DLG5: variants seen among roughly 807,000 people sequenced by gnomAD.
DLG5 encodes the protein discs large MAGUK scaffold protein 5, also known as disks large homolog 5.
In DLG5, 48 loss-of-function variants were observed where a neutral mutation model predicts 189.8. The ratio of observed to expected loss-of-function variants is 0.25; its 90% confidence interval spans 0.20 to 0.32. DLG5 has a LOEUF of 0.32. Ranked by LOEUF, DLG5 falls within the 10% of genes least tolerant of loss-of-function variation. DLG5 has a pLI of 1.00. For missense variants in DLG5, 2,160 were observed against 2,544.7 expected (o/e 0.85, Z 3.25); for synonymous variants, 1,016 against 1,054.1 (o/e 0.96, Z 0.70).
At chr10:77,858,377 GTAA>G (rs1401604329) in intron 2 of DLG5, among the ~76,000 whole-genome samples, 2 of 152,174 alleles carry the variant, frequency 1.3e-5, no homozygotes, top group East Asian at 3.8e-4. Flanking sequence ...GCTCATGCCT[GTAA>G]TCCAAGCACT....
chr10:77,898,698 T>G (rs1845836662), intron 1 of DLG5, among the ~76,000 whole-genome samples: 1 of 152,176 alleles, frequency 6.6e-6, no homozygotes, highest in African/African-American at 2.4e-5. Flanking sequence ...CCCTGAGTGC[T>G]CCTGAGGAAG....
intron 27 of DLG5, among the ~76,000 whole-genome samples, chr10:77,800,520 G>A (rs947756004): frequency 6.6e-6 from 1 of 151,624 alleles, no homozygotes; most frequent in Admixed American, 6.6e-5. Flanking sequence ...TGAGAACCCA[G>A]GCACGGGGCC....
At chr10:77,923,218 C>A (rs1460505050) in intron 1 of DLG5, among the ~76,000 whole-genome samples, 1 of 152,224 alleles carries the variant, frequency 6.6e-6, no homozygotes, top group African/African-American at 2.4e-5. Flanking sequence ...TGGCCTCGAA[C>A]TGAGGCCAAT....
At position 77,856,780 on chromosome 10, in the gene DLG5, C is replaced by T. The variant is rs1333184730; in HGVS notation, c.486G>A (p.Glu162=). The T allele has an allele frequency of 1.2e-6, 2 of 1,613,584 alleles. No homozygotes were observed. Among genetic ancestry groups the T allele is most frequent in the Non-Finnish European group, 1.7e-6 (2 of 1,180,018 alleles). The change falls in exon 3 of 32, where the codon GAG becomes GAA. Residue 162 remains glutamate, a synonymous_variant. Coordinates refer to ENST00000372391, the MANE Select transcript of DLG5 (RefSeq NM_004747.4). The part of the protein sequence containing the change: ...QLRLMTRERN[E]LRKRLAFATH... ...TAGCAAAGGCCAGGCGCTTGCGGAGCTCGTTTCTCTCCCGGGTCATCAGCC... is the reference window on the plus strand; with the variant it reads ...TAGCAAAGGCCAGGCGCTTGCGGAGTTCGTTTCTCTCCCGGGTCATCAGCC...
intron 1 of DLG5, among the ~76,000 whole-genome samples, chr10:77,870,224 A>C (rs1844843474): frequency 6.6e-6 from 1 of 152,254 alleles, no homozygotes; most frequent in South Asian, 2.1e-4. Context: ...TGGAGCCAAA[A>C]GAACTATACA....
At chr10:77,816,311 G>A in intron 20 of DLG5, 2 of 705,030 alleles carry the variant, frequency 2.8e-6, no homozygotes, top group Non-Finnish European at 5.1e-6. Flanking sequence ...ATCACCGTCA[G>A]GTCATTTCCA....
chr10:77,811,193 C>A lies in DLG5; in HGVS notation c.4364G>T (p.Gly1455Val). The A allele has an allele frequency of 6.2e-7, 1 of 1,613,328 alleles. No individual in the cohort carries two copies. The highest frequency in any genetic ancestry group is 1.1e-5 in the South Asian group (1 of 91,022). The change falls in exon 23 of 32, where the codon GGC becomes GTC. Residue 1455 changes from glycine (G) to valine (V), a missense_variant. By Grantham distance (109) the Gly-to-Val change is moderately radical (BLOSUM62 -3). Transcript: ENST00000372391. ...DPAGTHSTLQ[G>V]SGTTTPEHPS... ...ATGCTCCGGGGTGGTGGTGCCACTGCCCTGGAGAGTGGAGTGGGTACCGGC... is the reference window on the plus strand; with the variant it reads ...ATGCTCCGGGGTGGTGGTGCCACTGACCTGGAGAGTGGAGTGGGTACCGGC...
rs749597156 is a variant in DLG5 at position 77,828,913 on chromosome 10, C to G, written c.2258G>C (p.Gly753Ala). 6.2e-7 allele frequency: 1 copy of G among 1,614,174 alleles called. No individual in the cohort carries two copies. The highest frequency in any genetic ancestry group is 2.2e-5 in the East Asian group (1 of 44,886). Residue 753 changes from glycine (G) to alanine (A), a missense_variant, in exon 13 of 32, where the codon GGG (glycine) becomes GCG (alanine). By Grantham distance (60) the Gly-to-Ala change is moderately conservative. Around this residue, in one of 5 missense-constraint regions of DLG5, gnomAD observed 107 missense variants for 214.5 expected, o/e 0.50. Coordinates refer to ENST00000372391, the MANE Select transcript of DLG5 (RefSeq NM_004747.4). ...VLPGSPAAKE[G>A]SLAVGDRIVA... ...GATCCTGTCTCCCACAGCAAGGGACCCTTCTTTAGCGGCAGGGCTTCCAGG... is the reference window on the plus strand; with the variant it reads ...GATCCTGTCTCCCACAGCAAGGGACGCTTCTTTAGCGGCAGGGCTTCCAGG...
intron 26 of DLG5, 59 bp from the exon 27 acceptor site, chr10:77,805,920 C>T: frequency 4.6e-6 from 7 of 1,513,562 alleles, no homozygotes; most frequent in African/African-American, 1.4e-5. Context: ...CCTGCCCTTC[C>T]TGCCCTTCCT....
intron 24 of DLG5, among the ~76,000 whole-genome samples, chr10:77,808,255 T>C (rs577774245): frequency 2.0e-5 from 3 of 152,142 alleles, no homozygotes; most frequent in Non-Finnish European, 4.4e-5. Flanking sequence ...CTCTTGCTGA[T>C]GTTGCCTGTG....
intron 1 of DLG5, among the ~76,000 whole-genome samples, chr10:77,893,083 C>A (rs1845658003): frequency 6.6e-6 from 1 of 152,360 alleles, no homozygotes; most frequent in South Asian, 2.1e-4. Flanking sequence ...CATTTGACCA[C>A]CAGAGCAGCC....
intron 26 of DLG5, chr10:77,806,065 G>T: frequency 1.9e-6 from 1 of 522,840 alleles, no homozygotes; most frequent in South Asian, 3.4e-5. Context: ...CCAGCACCAG[G>T]GCAAGCTCTC....
intron 25 of DLG5, among the ~76,000 whole-genome samples, chr10:77,807,195 A>G (rs993261002): frequency 6.6e-6 from 1 of 152,038 alleles, no homozygotes; most frequent in Non-Finnish European, 1.5e-5. Flanking sequence ...TTCCCTTTCC[A>G]GGTGGCCTTT....
chr10:77,806,744 C>G lies in DLG5; in HGVS notation c.4967+14G>C. The G allele has an allele frequency of 6.3e-7, 1 of 1,595,592 alleles. No individual in the cohort carries two copies. The highest frequency in any genetic ancestry group is 1.3e-5 in the African/African-American group (1 of 74,798). ...CCCCTGCCCCACCCCACCCCAGGCCCGGAGAACACTTACACATATTTGCTG... is the reference window on the plus strand; with the variant it reads ...CCCCTGCCCCACCCCACCCCAGGCCGGGAGAACACTTACACATATTTGCTG... On this transcript the variant is annotated intron_variant, in intron 26 of 31. Coordinates refer to ENST00000372391, the MANE Select transcript of DLG5 (RefSeq NM_004747.4).
intron 17 of DLG5, 39 bp downstream of exon 17, chr10:77,819,282 C>G: frequency 6.2e-7 from 1 of 1,613,056 alleles, no homozygotes; most frequent in Non-Finnish European, 8.5e-7. Context: ...CAGGCTTGGG[C>G]AGCTGGAGTA....
At chr10:77,914,525 G>A (rs1846308819) in intron 1 of DLG5, among the ~76,000 whole-genome samples, 1 of 152,120 alleles carries the variant, frequency 6.6e-6, no homozygotes, top group African/African-American at 2.4e-5. Context: ...TAGGAGTAAA[G>A]AGCTAAGATT....
At chr10:77,858,520 C>G (rs996426408) in intron 2 of DLG5, among the ~76,000 whole-genome samples, 1 of 151,984 alleles carries the variant, frequency 6.6e-6, no homozygotes, top group Non-Finnish European at 1.5e-5. Flanking sequence ...TGCCTAGAGT[C>G]ACAGCTACTT....
intron 1 of DLG5, among the ~76,000 whole-genome samples, chr10:77,872,750 T>A (rs796142790): frequency 5.3e-5 from 8 of 152,032 alleles, no homozygotes; most frequent in African/African-American, 1.9e-4. Flanking sequence ...GCCGGTTGCT[T>A]CCATGGGGCG....
the DLG5 span, among the ~76,000 whole-genome samples, chr10:77,936,423 C>T: frequency 5.4e-5 from 7 of 129,042 alleles, no homozygotes; most frequent in East Asian, 2.3e-4. Flanking sequence ...GGCAACAGAG[C>T]GAGACTCCGT....
Sources: allele counts gnomAD v4.1 joint callset (sites outside exome capture counted in the v4.1 genomes callset), GRCh38; gene constraint gnomAD v4.1.1; regional missense constraint gnomAD v4.1.1; transcripts MANE v1.5; gene names NCBI Gene and HGNC (gene_info 2026-07-23, HGNC 2026-07-21).